GLIS3: variants seen among roughly 807,000 people sequenced by gnomAD.
The protein encoded by GLIS3 is GLIS family zinc finger 3, also known as zinc finger protein GLIS3.
A neutral mutation model predicts 78.6 loss-of-function variants in GLIS3; 53 were observed. The ratio of observed to expected loss-of-function variants is 0.67; its 90% CI spans 0.54 to 0.85. The LOEUF is 0.85. GLIS3 is among the 40% of genes least tolerant of loss of function. The probability of loss-of-function intolerance (pLI) is 0.00; values close to 1 mark genes in which losing one functional copy is unlikely to be tolerated. For synonymous variants in GLIS3, 684 were observed against 509.9 expected (o/e 1.34, Z -4.60); for missense variants, 1,703 against 1,231.1 (o/e 1.38, Z -5.74).
At position 3,845,414 on chromosome 9, in the gene GLIS3, A is replaced by G. The variant is rs116176078; in HGVS notation, c.2473+10595T>C. 1.9e-3 allele frequency among the ~76,000 whole-genome samples: 296 copies of G among 152,310 alleles called. 1 individual carries two copies. Among genetic ancestry groups the G allele is most frequent in the African/African-American group, 6.6e-3 (276 of 41,558 alleles). ...CTTCTATGAGCATTTAAAAAGGTCTAAAAGAATACTTGCCAATCTTTTAAT... is the reference window on the plus strand; with the variant it reads ...CTTCTATGAGCATTTAAAAAGGTCTGAAAGAATACTTGCCAATCTTTTAAT... On this transcript the variant is annotated intron_variant, in intron 9 of 10. Coordinates refer to ENST00000381971, the MANE Select transcript of GLIS3 (RefSeq NM_001042413.2).
At chr9:4,274,319 T>A (rs890473874) in intron 2 of GLIS3, among the ~76,000 whole-genome samples, 1 of 152,180 alleles carries the variant, frequency 6.6e-6, no homozygotes, top group Non-Finnish European at 1.5e-5. Context: ...AGCTTTTTCC[T>A]TTCTTCTTAG....
Position 3,836,918 on chromosome 9 carries a change from T to TTTTGAAGGAC in GLIS3, c.2474-7427_2474-7426insGTCCTTCAAA, listed in dbSNP as rs1818388609. ...CAATCTCAGCATTCTGCTTGTTAGT[T>TTTTGAAGGAC]AAGCCAGAGCAAATGAAGGACAACA... On this transcript the variant is annotated intron_variant, in intron 9 of 10. Transcript: ENST00000381971. Among the ~76,000 whole-genome samples, 26 of 152,314 alleles carry TTTTGAAGGAC rather than the reference T, an allele frequency of 1.7e-4. No homozygotes were observed. The South Asian group carries it at 5.4e-3, about 32-fold the overall frequency.
the GLIS3 span, among the ~76,000 whole-genome samples, chr9:4,416,954 A>G: frequency 6.6e-6 from 1 of 150,814 alleles, no homozygotes; most frequent in African/African-American, 2.4e-5. Flanking sequence ...GATTTCTTCT[A>G]TAACCCCATT....
At position 3,824,466 on chromosome 9, in the gene GLIS3, G is replaced by A. The variant is rs1195193782; in HGVS notation, c.*3806C>T. 1.3e-5 allele frequency: 2 copies of A among 152,304 alleles called. No individual in the cohort carries two copies. The highest frequency in any genetic ancestry group is 2.4e-5 in the African/African-American group (1 of 41,450). 9.4% of individuals were successfully genotyped at this position (152,304 alleles called of 1,614,324 possible). The stretch of plus-strand genomic sequence containing the variant: ...CAGGCTGAAGGAGGATTTTAGGCAG[G>A]AGGGCGTCTTCTCTATTTCCAGTTT... On this transcript the variant is annotated 3_prime_UTR_variant, in exon 11 of 11. Transcript: ENST00000381971.
the GLIS3 span, among the ~76,000 whole-genome samples, chr9:4,426,689 G>T: frequency 3.3e-5 from 5 of 152,204 alleles, no homozygotes; most frequent in Non-Finnish European, 5.9e-5. Context: ...TTTGAGGTCT[G>T]AAACTAGAAT....
intron 4 of GLIS3, among the ~76,000 whole-genome samples, chr9:3,954,989 G>C (rs990407981): frequency 6.6e-6 from 1 of 152,190 alleles, no homozygotes; most frequent in Non-Finnish European, 1.5e-5. Flanking sequence ...AGAGAGATGC[G>C]AAAGCTCAAA....
chr9:3,932,944 A>G, intron 5 of GLIS3: 1 of 291,386 alleles, frequency 3.4e-6, no homozygotes, highest in Non-Finnish European at 6.9e-6. Context: ...AAAGGGAGAG[A>G]ATTAAGAAGA....
chr9:4,460,406 A>G, the GLIS3 span, among the ~76,000 whole-genome samples: 1 of 152,246 alleles, frequency 6.6e-6, no homozygotes, highest in African/African-American at 2.4e-5. Context: ...CTTCTATACA[A>G]GCATAATGGG....
At chr9:4,465,639 T>C in the GLIS3 span, among the ~76,000 whole-genome samples, 1 of 152,220 alleles carries the variant, frequency 6.6e-6, no homozygotes, top group Non-Finnish European at 1.5e-5. Flanking sequence ...AGGGGATGGA[T>C]ACCCCATTCC....
At chr9:4,430,980 CT>C in the GLIS3 span, among the ~76,000 whole-genome samples, 1 of 152,030 alleles carries the variant, frequency 6.6e-6, no homozygotes, top group East Asian at 1.9e-4. Flanking sequence ...TCCTCTAACT[CT>C]GGAAGATCCT....
chr9:4,160,681 C>T (rs1217028835), intron 2 of GLIS3, among the ~76,000 whole-genome samples: 1 of 152,202 alleles, frequency 6.6e-6, no homozygotes, highest in Non-Finnish European at 1.5e-5. Context: ...TTTCTTATTA[C>T]AATTTCAATA....
chr9:4,024,456 G>A (rs758304650), intron 4 of GLIS3, among the ~76,000 whole-genome samples: 3 of 152,150 alleles, frequency 2.0e-5, no homozygotes, highest in African/African-American at 4.8e-5. Context: ...GAGCAGCCAA[G>A]GTAGCAGACA....
At chr9:4,212,379 A>C (rs1820451989) in intron 2 of GLIS3, among the ~76,000 whole-genome samples, 1 of 152,226 alleles carries the variant, frequency 6.6e-6, no homozygotes, top group Non-Finnish European at 1.5e-5. Context: ...TCATTCATTA[A>C]GAAAAGATTT....
chr9:3,852,965 T>C (rs952673913), intron 9 of GLIS3, among the ~76,000 whole-genome samples: 5 of 152,164 alleles, frequency 3.3e-5, no homozygotes, highest in African/African-American at 1.2e-4. Flanking sequence ...TCCCAACACT[T>C]TGAAAGGCTG....
At chr9:4,421,440 G>C in the GLIS3 span, among the ~76,000 whole-genome samples, 1 of 152,230 alleles carries the variant, frequency 6.6e-6, no homozygotes, top group African/African-American at 2.4e-5. Context: ...TGGTCTGATG[G>C]AAGTCCCAAT....
the GLIS3 span, among the ~76,000 whole-genome samples, chr9:4,436,835 A>AAG: frequency 1.0e-4 from 15 of 147,520 alleles, no homozygotes; most frequent in Non-Finnish European, 1.8e-4. Flanking sequence ...AAAAAAAAAA[A>AAG]AGAGATAGAA....
the GLIS3 span, among the ~76,000 whole-genome samples, chr9:4,371,158 G>C: frequency 6.6e-6 from 1 of 152,104 alleles, no homozygotes; most frequent in African/African-American, 2.4e-5. Flanking sequence ...ATTTGGTCAG[G>C]CCTGGTTACT....
chr9:4,100,021 C>G (rs547569359), intron 4 of GLIS3, among the ~76,000 whole-genome samples: 1 of 152,290 alleles, frequency 6.6e-6, no homozygotes, highest in East Asian at 1.9e-4. Context: ...CTCATTCTGC[C>G]TCCCATACTG....
At chr9:4,365,486 G>A in the GLIS3 span, among the ~76,000 whole-genome samples, 2 of 151,972 alleles carry the variant, frequency 1.3e-5, no homozygotes, top group Middle Eastern at 3.2e-3. Flanking sequence ...AACCTGGGAG[G>A]TGGAGGTTGC....
Sources: allele counts gnomAD v4.1 joint callset (sites outside exome capture counted in the v4.1 genomes callset), GRCh38; gene constraint gnomAD v4.1.1; transcripts MANE v1.5; gene names NCBI Gene and HGNC (gene_info 2026-07-23, HGNC 2026-07-21).